The following NAV1 variants were observed in gnomAD, a reference collection of about 807,000 sequenced individuals.
NAV1 encodes neuron navigator 1.
A neutral mutation model predicts 175.2 loss-of-function variants in NAV1; 18 were observed. The ratio of observed to expected loss-of-function variants is 0.10; its 90% CI spans 0.07 to 0.15. The LOEUF is 0.15. Ranked by LOEUF, NAV1 falls within the 10% of genes least tolerant of loss-of-function variation. NAV1 has a pLI of 1.00. For missense variants in NAV1, 1,731 were observed against 2,436.6 expected (o/e 0.71, Z 6.10); for synonymous variants, 897 against 978.7 (o/e 0.92, Z 1.56).
chr1:201,605,792 GA>G (rs1199960697), intron 2 of NAV1, among the ~76,000 whole-genome samples: 1 of 152,216 alleles, frequency 6.6e-6, no homozygotes, highest in African/African-American at 2.4e-5. Flanking sequence ...GGGCTAAGGA[GA>G]GGGGGAATGG....
At chr1:201,549,133 TTCTTTC>T (rs1256009684) in intron 1 of NAV1, among the ~76,000 whole-genome samples, 3 of 144,218 alleles carry the variant, frequency 2.1e-5, no homozygotes, top group African/African-American at 7.5e-5. Context: ...CTTTCTTTCT[TTCTTTC>T]TTTCTTCTTT....
intron 2 of NAV1, among the ~76,000 whole-genome samples, chr1:201,631,891 G>GC (rs1668487734): frequency 6.6e-6 from 1 of 151,834 alleles, no homozygotes; most frequent in South Asian, 2.1e-4. Context: ...AACTCATCTT[G>GC]CCCCCCATCA....
At chr1:201,599,071 A>T (rs1239777800) in intron 2 of NAV1, among the ~76,000 whole-genome samples, 1 of 152,156 alleles carries the variant, frequency 6.6e-6, no homozygotes, top group East Asian at 1.9e-4. Context: ...ATAAGGCCAG[A>T]TCTCTGCCTG....
chr1:201,764,124 G>A (rs577236518), intron 3 of NAV1, among the ~76,000 whole-genome samples: 5 of 152,270 alleles, frequency 3.3e-5, no homozygotes, highest in East Asian at 1.9e-4. Context: ...TCTGATGGCA[G>A]TAAATCTGAA....
chr1:201,692,065 T>G (rs1009966851), intron 1 of NAV1, among the ~76,000 whole-genome samples: 1 of 152,208 alleles, frequency 6.6e-6, no homozygotes, highest in African/African-American at 2.4e-5. Flanking sequence ...CCATTCCTTC[T>G]CTGCTGTTGA....
At chr1:201,607,150 C>T (rs1304487154) in intron 2 of NAV1, among the ~76,000 whole-genome samples, 5 of 145,758 alleles carry the variant, frequency 3.4e-5, no homozygotes, top group African/African-American at 1.0e-4. Flanking sequence ...GAGTCTCCCT[C>T]TGTCACCCAG....
chr1:201,579,584 G>A (rs187225268), intron 1 of NAV1, among the ~76,000 whole-genome samples: 2 of 152,258 alleles, frequency 1.3e-5, no homozygotes, highest in East Asian at 3.9e-4. Flanking sequence ...TTGAGCTCCT[G>A]GTGTCAAGTG....
rs371009269 is a variant in NAV1, at chr1:201,808,453, T to C, written c.3881T>C (p.Phe1294Ser). 6 of 1,614,034 alleles carry C rather than the reference T, an allele frequency of 3.7e-6. No individual in the cohort carries two copies. In the African/African-American group the frequency reaches 8.0e-5, roughly 22 times the overall value. ...CACCCAGCCCCCCACACTAGGCTGT[T>C]CCATGCAAATGAGGAGGAGGAGCCA... Residue 1294 changes from phenylalanine (F) to serine (S), a missense_variant, in exon 19 of 30, where the codon TTC becomes TCC. Phe to Ser is a radical substitution (Grantham distance 155, BLOSUM62 -2). Around this residue, in one of 13 missense-constraint regions of NAV1, gnomAD observed 146 missense variants for 176.8 expected, o/e 0.83. Transcript: ENST00000367296. This position sits in a 1 kb window ranked among gnomAD's most constrained non-coding sequence, Gnocchi z 5.5.
intron 2 of NAV1, among the ~76,000 whole-genome samples, chr1:201,597,816 C>T (rs1018410203): frequency 6.6e-6 from 1 of 152,240 alleles, no homozygotes; most frequent in Non-Finnish European, 1.5e-5. Flanking sequence ...CCCGTGATGT[C>T]CTGGCCCAGT....
chr1:201,612,376 C>T (rs1191387713), intron 2 of NAV1, among the ~76,000 whole-genome samples: 1 of 152,176 alleles, frequency 6.6e-6, no homozygotes, highest in African/African-American at 2.4e-5. Context: ...ATTGCTTGAG[C>T]CCAGGAGGCT....
intron 2 of NAV1, among the ~76,000 whole-genome samples, chr1:201,591,889 A>G (rs1022308384): frequency 6.6e-6 from 1 of 152,178 alleles, no homozygotes; most frequent in Admixed American, 6.5e-5. Flanking sequence ...CCAAACCCGG[A>G]GCTCTTGATT....
In NAV1 at chr1:201,740,058, C is replaced by T; in HGVS notation, c.1226+21303C>T. ...CTGCCCCTGCCCAGATCCGGAAGAA[C>T]GGTGAATTTCCCCCGCAGGTAAGCG... On this transcript the variant is annotated intron_variant, in intron 3 of 29. Coordinates refer to ENST00000367296, the Ensembl canonical transcript of NAV1. The surrounding 1 kb of genome is among the most constrained non-coding windows in gnomAD (Gnocchi z 4.7). 6.7e-7 allele frequency: 1 copy of T among 1,501,942 alleles called. No homozygotes were observed. The highest frequency in any genetic ancestry group is 8.9e-7 in the Non-Finnish European group (1 of 1,124,020). 93.0% of individuals were successfully genotyped at this position (1,501,942 alleles called of 1,614,324 possible). A position where few individuals can be genotyped will look rare whatever the true frequency, so the allele number is the denominator to read the frequency against.
chr1:201,735,269 G>A (rs1411059516), intron 3 of NAV1, among the ~76,000 whole-genome samples: 1 of 152,230 alleles, frequency 6.6e-6, no homozygotes, highest in African/African-American at 2.4e-5. Flanking sequence ...TGGATTGTGT[G>A]GAAGGATCTT....
chr1:201,757,508 C>T (rs955435344), intron 3 of NAV1, among the ~76,000 whole-genome samples: 5 of 152,190 alleles, frequency 3.3e-5, no homozygotes, highest in Non-Finnish European at 5.9e-5. Context: ...TCTGCTTTTG[C>T]TGGAATTACA....
intron 3 of NAV1, among the ~76,000 whole-genome samples, chr1:201,738,279 C>A (rs192891184): frequency 6.6e-6 from 1 of 152,150 alleles, no homozygotes; most frequent in African/African-American, 2.4e-5. Flanking sequence ...CTCTTTACTC[C>A]CCTTTGATCT....
chr1:201,696,038 C>T (rs12093630), intron 1 of NAV1, among the ~76,000 whole-genome samples: 2,510 of 152,290 alleles, frequency 0.016, 70 homozygotes, highest in African/African-American at 0.058. Flanking sequence ...TCGGAAGAAG[C>T]GGGGACTGGA....
intron 1 of NAV1, among the ~76,000 whole-genome samples, chr1:201,657,643 G>A (rs1571867326): frequency 6.6e-6 from 1 of 152,260 alleles, no homozygotes; most frequent in Admixed American, 6.5e-5. Flanking sequence ...GGGGACCCAC[G>A]GCACCTGGCG....
At chr1:201,721,946 C>T (rs1241431592) in intron 3 of NAV1, among the ~76,000 whole-genome samples, 1 of 152,200 alleles carries the variant, frequency 6.6e-6, no homozygotes, top group African/African-American at 2.4e-5. Context: ...TGACCAGGCC[C>T]CTTTCAGGTC....
In NAV1 at chr1:201,566,274, C is replaced by T. The variant is rs547648965; in HGVS notation, c.-143-22265C>T. On this transcript the variant is annotated intron_variant, in intron 1 of 33. Coordinates refer to the NAV1 transcript ENST00000685211. ...TGAAATGCCGGCAGCTCCAGCCACA[C>T]CCCAGCTCACTTTGGAGGCCTGCTC... Among the ~76,000 whole-genome samples the T allele has an allele frequency of 2.0e-5, 3 of 152,278 alleles. No homozygotes were observed. In the South Asian group the frequency reaches 6.2e-4, roughly 32 times the overall value.
Sources: gnomAD v4.1 joint callset for allele counts (sites outside exome capture counted in the v4.1 genomes callset) on GRCh38, gnomAD v4.1.1 for gene constraint, gnomAD v4.1.1 regional missense constraint, Gnocchi (gnomAD v3.1) non-coding constraint, MANE v1.5 for transcripts, NCBI Gene and HGNC (gene_info 2026-07-23, HGNC 2026-07-21) for gene names.